RPAP3: variants seen among roughly 807,000 people sequenced by gnomAD.
The protein encoded by RPAP3 is RNA polymerase II associated protein 3, also known as RNA polymerase II-associated protein 3.
A neutral mutation model predicts 88.8 loss-of-function variants in RPAP3; 58 were observed. The observed-to-expected ratio is 0.65, with a 90% CI of 0.53 to 0.81. The LOEUF (loss-of-function observed/expected upper bound fraction) is 0.81, where lower values mean the gene tolerates loss of function less well. RPAP3 is among the 40% of genes least tolerant of loss of function. RPAP3 has a pLI of 0.00. For synonymous variants in RPAP3, 255 were observed against 259.9 expected (o/e 0.98, Z 0.18); for missense variants, 751 against 764.3 (o/e 0.98, Z 0.20).
chr12:47,693,519 A>G (rs1939467317), intron 5 of RPAP3, among the ~76,000 whole-genome samples: 1 of 152,256 alleles, frequency 6.6e-6, no homozygotes, highest in Non-Finnish European at 1.5e-5. Context: ...TAAGGTTGCC[A>G]CAAACTTTCG....
At chr12:47,699,308 G>T (rs976838447) in intron 3 of RPAP3, 1 of 152,168 alleles carries the variant, frequency 6.6e-6, no homozygotes, top group Non-Finnish European at 1.5e-5. Flanking sequence ...TGCCTTTCAG[G>T]AAAGGGCATT....
chr12:47,701,537 T>TG lies in RPAP3; in HGVS notation c.220_221insC (p.Lys74ThrfsTer16). On this transcript the variant is annotated frameshift_variant, in exon 3 of 17. Transcript: ENST00000005386. LOFTEE classifies it high-confidence loss of function. ...TTTTGTGTTTTCCTCTCTGGTTTTTTTGGAAGACTCTTTAGCTTTGCCTTT... is the reference window on the plus strand; with the variant it reads ...TTTTGTGTTTTCCTCTCTGGTTTTTTGTGGAAGACTCTTTAGCTTTGCCTTT... 1 of 1,606,246 alleles carries TG rather than the reference T, an allele frequency of 6.2e-7. No homozygotes were observed. Among genetic ancestry groups the TG allele is most frequent in the Non-Finnish European group, 8.5e-7 (1 of 1,176,782 alleles).
chr12:47,676,733 T>G lies in RPAP3; in HGVS notation c.1287+2760A>C, dbSNP rs1482169108. Among the ~76,000 whole-genome samples, 19 of 152,288 alleles carry G rather than the reference T, an allele frequency of 1.2e-4. No homozygotes were observed. The East Asian group carries it at 3.7e-3, about 29-fold the overall frequency. On this transcript the variant is annotated intron_variant, in intron 12 of 16. Coordinates refer to ENST00000005386, the MANE Select transcript of RPAP3 (RefSeq NM_024604.3). ...CTCTGAATAGACCAATAACAGGCTCTGAAATTCAGGCAATAATAGCCTACC... is the reference window on the plus strand; with the variant it reads ...CTCTGAATAGACCAATAACAGGCTCGGAAATTCAGGCAATAATAGCCTACC...
intron 5 of RPAP3, among the ~76,000 whole-genome samples, chr12:47,692,792 T>A (rs1019320153): frequency 1.3e-5 from 2 of 152,244 alleles, no homozygotes; most frequent in African/African-American, 4.8e-5. Flanking sequence ...CTCACTAAGT[T>A]TAATCATTTC....
chr12:47,683,906 C>T (rs1009574199), intron 9 of RPAP3, among the ~76,000 whole-genome samples: 1 of 152,128 alleles, frequency 6.6e-6, no homozygotes. Flanking sequence ...AGTCTGGTTC[C>T]AGTTCCAGCA....
chr12:47,685,481 T>C (rs543192935), intron 9 of RPAP3, among the ~76,000 whole-genome samples: 1 of 152,258 alleles, frequency 6.6e-6, no homozygotes, highest in African/African-American at 2.4e-5. Flanking sequence ...ACAGTAAAAA[T>C]TTAACCTGTT....
At chr12:47,692,157 T>C (rs1939441511) in intron 5 of RPAP3, among the ~76,000 whole-genome samples, 2 of 152,000 alleles carry the variant, frequency 1.3e-5, no homozygotes, top group Admixed American at 6.5e-5. Flanking sequence ...CCTAGGACTT[T>C]TGGAATGGTA....
At chr12:47,687,855 G>A (rs374167600) in intron 8 of RPAP3, 21 bp downstream of exon 8, 26 of 1,608,420 alleles carry the variant, frequency 1.6e-5, no homozygotes, top group African/African-American at 8.0e-5. Flanking sequence ...TACATTGTAC[G>A]TTGGAATAGC....
At chr12:47,668,509 A>G (rs1346617069) in intron 14 of RPAP3, among the ~76,000 whole-genome samples, 1 of 152,230 alleles carries the variant, frequency 6.6e-6, no homozygotes, top group African/African-American at 2.4e-5. Context: ...ACACTTGAAA[A>G]GGACCATGCT....
chr12:47,681,923 T>A, intron 9 of RPAP3, 106 bp from the exon 10 acceptor site: 1 of 1,062,784 alleles, frequency 9.4e-7, no homozygotes, highest in Non-Finnish European at 1.3e-6. Flanking sequence ...TTTCAATCAC[T>A]AACTTCTAAA....
At chr12:47,700,739 C>A (rs1207886160) in intron 3 of RPAP3, among the ~76,000 whole-genome samples, 1 of 152,160 alleles carries the variant, frequency 6.6e-6, no homozygotes, top group African/African-American at 2.4e-5. Flanking sequence ...ATCTGCTATC[C>A]CAGTCTAGAA....
At chr12:47,704,963 A>G (rs1391459278) in intron 1 of RPAP3, among the ~76,000 whole-genome samples, 4 of 151,626 alleles carry the variant, frequency 2.6e-5, no homozygotes, top group African/African-American at 9.7e-5. Flanking sequence ...TGACGGGCCC[A>G]CTACACTCCA....
In RPAP3 at chr12:47,681,749, G is replaced by A; in HGVS notation, c.1061C>T (p.Ala354Val). The A allele has an allele frequency of 6.2e-7, 1 of 1,611,744 alleles. No homozygotes were observed. The highest frequency in any genetic ancestry group is 8.5e-7 in the Non-Finnish European group (1 of 1,179,012). ...AAATGTTCTTGCAGTTCCTCTTCTG[G>A]CAAAAGCTTTAGAATATGAGCCATC... ...LLDGSYSKAF[A>V]RRGTARTFLG... is the part of the protein sequence containing the mutation. The change falls in exon 10 of 17, where the codon GCC becomes GTC. Residue 354 changes from alanine to valine, a missense_variant. Transcript: ENST00000005386.
chr12:47,703,516 T>C (rs1939700028), intron 1 of RPAP3, among the ~76,000 whole-genome samples: 1 of 152,190 alleles, frequency 6.6e-6, no homozygotes, highest in Non-Finnish European at 1.5e-5. Context: ...AAATAACCCC[T>C]GGTTGAGAAC....
chr12:47,666,233 T>C (rs900423015), intron 16 of RPAP3, among the ~76,000 whole-genome samples: 1 of 152,192 alleles, frequency 6.6e-6, no homozygotes, highest in African/African-American at 2.4e-5. Context: ...TTAATTAGGA[T>C]TTCTCAAAAC....
At position 47,681,650 on chromosome 12, in the gene RPAP3, G is replaced by C. The variant is rs1939224990; in HGVS notation, c.1114+46C>G. The C allele has an allele frequency of 1.9e-6, 3 of 1,584,302 alleles. No individual in the cohort carries two copies. In the South Asian group the frequency reaches 3.5e-5, roughly 19 times the overall value. ...ACATGAATCTCTGCTTCTTTAACTT[G>C]GGCACTCATCAGGATGACTGAGTGC... is the stretch of plus-strand genomic sequence containing the variant. On this transcript the variant is annotated intron_variant, in intron 10 of 16. Coordinates refer to ENST00000005386, the MANE Select transcript of RPAP3 (RefSeq NM_024604.3).
chr12:47,688,117 T>C (rs1425010264), intron 7 of RPAP3, 116 bp from the exon 8 acceptor site: 4 of 911,234 alleles, frequency 4.4e-6, no homozygotes, highest in Admixed American at 3.8e-5. Flanking sequence ...TTTTAAATAA[T>C]CAAAATAACA....
At chr12:47,690,763 C>A in intron 5 of RPAP3, 124 bp from the exon 6 acceptor site, 1 of 575,680 alleles carries the variant, frequency 1.7e-6, no homozygotes, top group Non-Finnish European at 2.8e-6. Context: ...GCATTTTTCC[C>A]ACCTGCTTTC....
chr12:47,689,099 A>T (rs192613762), intron 7 of RPAP3, 26 bp downstream of exon 7: 2 of 1,039,772 alleles, frequency 1.9e-6, no homozygotes, highest in Non-Finnish European at 1.5e-6. Flanking sequence ...GTCATAATAC[A>T]CTTAATTTAA....
Sources: allele counts gnomAD v4.1 joint callset (sites outside exome capture counted in the v4.1 genomes callset), GRCh38; gene constraint gnomAD v4.1.1; transcripts MANE v1.5; gene names NCBI Gene and HGNC (gene_info 2026-07-23, HGNC 2026-07-21).